PALLD: variants seen among roughly 807,000 people sequenced by gnomAD.
PALLD encodes the protein palladin.
In PALLD, 61 loss-of-function variants were observed where a neutral mutation model predicts 123.5. The observed-to-expected ratio is 0.49, with a 90% CI of 0.40 to 0.61. The LOEUF (loss-of-function observed/expected upper bound fraction) is 0.61, where lower values mean the gene tolerates loss of function less well. PALLD is among the 20% of genes least tolerant of loss of function. PALLD has a pLI of 0.00. For synonymous variants in PALLD, 465 were observed against 496.4 expected, an observed-to-expected ratio of 0.94 and a Z score of 0.84; for missense variants, 1,273 against 1,377.0, an observed-to-expected ratio of 0.92 and a Z score of 1.20.
chr4:168,840,801 G>A (rs1370118342), intron 10 of PALLD, among the ~76,000 whole-genome samples: 1 of 152,158 alleles, frequency 6.6e-6, no homozygotes, highest in Non-Finnish European at 1.5e-5. Context: ...CTGCTGTTTA[G>A]TAGGGGAGTT....
intron 2 of PALLD, among the ~76,000 whole-genome samples, chr4:168,666,126 G>C (rs191613837): frequency 4.1e-4 from 63 of 152,208 alleles, no homozygotes; most frequent in African/African-American, 1.3e-3. Flanking sequence ...AGGCTTGCAG[G>C]CTATAAGTTC....
At chr4:168,924,552 CAA>C in intron 19 of PALLD, 132 bp downstream of exon 19, 1 of 957,100 alleles carries the variant, frequency 1.0e-6, no homozygotes, top group East Asian at 2.6e-5. Flanking sequence ...TGAAATCAAT[CAA>C]AGACAAAAAC....
chr4:168,711,655 C>T lies in PALLD; in HGVS notation c.1696C>T (p.Pro566Ser), dbSNP rs1784849492. 3 of 1,614,112 alleles carry T rather than the reference C, an allele frequency of 1.9e-6. No individual in the cohort carries two copies. In the East Asian group the frequency reaches 6.7e-5, roughly 36 times the overall value. ...NDHFQHFPPP[P>S]PILETSSLEL... ...CCACTTCCAACACTTTCCACCTCCC[C>T]CTCCAATCTTGGAGACAAGTTCCTT... The change falls in exon 10 of 22, where the codon CCT becomes TCT. Residue 566 changes from proline to serine, a missense_variant. By Grantham distance (74) the Pro-to-Ser change is moderately conservative. Coordinates refer to ENST00000505667, the MANE Select transcript of PALLD (RefSeq NM_001166108.2).
At chr4:168,637,681 C>T (rs1392654165) in intron 2 of PALLD, among the ~76,000 whole-genome samples, 1 of 152,126 alleles carries the variant, frequency 6.6e-6, no homozygotes, top group African/African-American at 2.4e-5. Context: ...CAGTGGCTCA[C>T]ACCTGTAATC....
chr4:168,613,124 C>A (rs1475546310), intron 2 of PALLD, among the ~76,000 whole-genome samples: 3 of 152,162 alleles, frequency 2.0e-5, no homozygotes, highest in Non-Finnish European at 4.4e-5. Context: ...CTTTGCAATG[C>A]ATCACACACA....
intron 14 of PALLD, among the ~76,000 whole-genome samples, chr4:168,903,241 C>A (rs1398853794): frequency 6.6e-6 from 1 of 152,168 alleles, no homozygotes; most frequent in Non-Finnish European, 1.5e-5. Context: ...TTAGTCATCA[C>A]CTCCCTCCCT....
At chr4:168,658,549 A>G (rs2149963189) in intron 2 of PALLD, among the ~76,000 whole-genome samples, 1 of 151,856 alleles carries the variant, frequency 6.6e-6, no homozygotes. Flanking sequence ...GGCCTCCTAA[A>G]GTGCTGGGAT....
intron 2 of PALLD, among the ~76,000 whole-genome samples, chr4:168,623,222 A>T (rs1774928563): frequency 6.6e-6 from 1 of 152,206 alleles, no homozygotes; most frequent in Non-Finnish European, 1.5e-5. Flanking sequence ...TACCTGAAGG[A>T]TCCAAAGAGA....
chr4:168,772,831 A>C (rs971694366), intron 10 of PALLD, among the ~76,000 whole-genome samples: 1 of 152,186 alleles, frequency 6.6e-6, no homozygotes, highest in Admixed American at 6.5e-5. Context: ...CCAAAAAAAG[A>C]AAGGAAGAAA....
At chr4:168,599,590 T>C (rs1772337634) in intron 2 of PALLD, among the ~76,000 whole-genome samples, 1 of 152,150 alleles carries the variant, frequency 6.6e-6, no homozygotes, top group African/African-American at 2.4e-5. Context: ...CAATATAATA[T>C]GCTATGTAGT....
intron 21 of PALLD, among the ~76,000 whole-genome samples, chr4:168,925,691 C>A (rs1762444833): frequency 6.6e-6 from 1 of 151,862 alleles, no homozygotes; most frequent in South Asian, 2.1e-4. Flanking sequence ...ATAAAAAAAA[C>A]ACTAGAAAAA....
chr4:168,550,519 A>T (rs1479430702), intron 2 of PALLD, among the ~76,000 whole-genome samples: 1 of 152,152 alleles, frequency 6.6e-6, no homozygotes, highest in African/African-American at 2.4e-5. Context: ...GACAAAACAC[A>T]GTAAGCCTCT....
At chr4:168,622,117 C>T (rs1259871002) in intron 2 of PALLD, among the ~76,000 whole-genome samples, 1 of 152,166 alleles carries the variant, frequency 6.6e-6, no homozygotes, top group Non-Finnish European at 1.5e-5. Context: ...CTATCAAATA[C>T]TCCCTCTCCC....
intron 2 of PALLD, among the ~76,000 whole-genome samples, chr4:168,604,736 C>A (rs1367368995): frequency 6.6e-6 from 1 of 152,200 alleles, no homozygotes; most frequent in East Asian, 1.9e-4. Context: ...TGCTCGCTAC[C>A]TAACAATGCC....
intron 2 of PALLD, among the ~76,000 whole-genome samples, chr4:168,584,229 T>TTA (rs1554045725): frequency 6.7e-6 from 1 of 149,900 alleles, no homozygotes; most frequent in Non-Finnish European, 1.5e-5. Context: ...TTTTTTTTTT[T>TTA]ACCTCGTCTT....
intron 13 of PALLD, among the ~76,000 whole-genome samples, chr4:168,897,129 C>G (rs1755384632): frequency 6.6e-6 from 1 of 152,190 alleles, no homozygotes; most frequent in African/African-American, 2.4e-5. Context: ...AGTGCCTGGC[C>G]TCTGACTTGA....
intron 2 of PALLD, among the ~76,000 whole-genome samples, chr4:168,580,993 A>T (rs2319911): frequency 0.35 from 53,357 of 151,288 alleles, 10,995 homozygotes; most frequent in East Asian, 0.75. Flanking sequence ...TGGAGGTGGG[A>T]GAGGTTCAGG....
intron 2 of PALLD, among the ~76,000 whole-genome samples, chr4:168,580,570 C>A (rs1395597437): frequency 6.6e-6 from 1 of 151,960 alleles, no homozygotes; most frequent in Non-Finnish European, 1.5e-5. Context: ...TATGGAAATT[C>A]CTCAAAGAAC....
At chr4:168,677,037 G>T (rs1780925095) in intron 3 of PALLD, among the ~76,000 whole-genome samples, 1 of 152,144 alleles carries the variant, frequency 6.6e-6, no homozygotes, top group South Asian at 2.1e-4. Context: ...GGTTTAGGCA[G>T]GTAACTGTTA....
Sources: allele counts gnomAD v4.1 joint callset (sites outside exome capture counted in the v4.1 genomes callset), GRCh38; gene constraint gnomAD v4.1.1; transcripts MANE v1.5; gene names NCBI Gene and HGNC (gene_info 2026-07-23, HGNC 2026-07-21).